VSTM4: variants seen among roughly 807,000 people sequenced by gnomAD.
VSTM4 encodes the protein V-set and transmembrane domain containing 4.
VSTM4 carries 20 observed loss-of-function variants against 36.4 expected under a neutral mutation model. That is an observed-to-expected ratio of 0.55 (90% CI 0.39 to 0.80). The LOEUF is 0.80. Among genes scored for constraint, VSTM4 ranks in the 30% least tolerant of loss-of-function variants. VSTM4 has a pLI of 0.00. For synonymous variants in VSTM4, 182 were observed against 173.9 expected, an observed-to-expected ratio of 1.05 and a Z score of -0.37; for missense variants, 392 against 404.5, an observed-to-expected ratio of 0.97 and a Z score of 0.26.
Position 49,107,835 on chromosome 10 carries a change from C to T in VSTM4, c.216G>A (p.Glu72=), listed in dbSNP as rs1211796889. 3.7e-6 allele frequency: 6 copies of T among 1,614,250 alleles called. No individual in the cohort carries two copies. Among genetic ancestry groups the T allele is most frequent in the African/African-American group, 1.3e-5 (1 of 75,062 alleles). The change falls in exon 2 of 8, where the codon GAG becomes GAA. Residue 72 remains glutamate (E), a synonymous_variant. Coordinates refer to ENST00000332853, the MANE Select transcript of VSTM4 (RefSeq NM_001031746.5). ...GCTTGGTCATCTTCACCATCAAGGC[C>T]TCCTGGGAGTCGAAGGAGTGTGCAA... ...WFFAHSFDSQ[E]ALMVKMTKLR...
At chr10:49,064,842 G>T in intron 4 of VSTM4, 106 bp from the exon 5 acceptor site, 2 of 1,181,054 alleles carry the variant, frequency 1.7e-6, no homozygotes, top group Non-Finnish European at 2.5e-6. Flanking sequence ...TTCAGGTATT[G>T]GTGCTATACC....
intron 2 of VSTM4, among the ~76,000 whole-genome samples, chr10:49,098,946 T>A (rs534114977): frequency 6.6e-6 from 1 of 152,368 alleles, no homozygotes; most frequent in African/African-American, 2.4e-5. Flanking sequence ...ATGGACATCA[T>A]CAATACTATT....
chr10:49,113,831 G>C (rs1434639081), intron 1 of VSTM4, among the ~76,000 whole-genome samples: 2 of 152,138 alleles, frequency 1.3e-5, no homozygotes, highest in African/African-American at 4.8e-5. Context: ...AGAAAAGTGG[G>C]TGGCACACAG....
chr10:49,045,062 C>G (rs2131956579), intron 7 of VSTM4, among the ~76,000 whole-genome samples: 1 of 152,310 alleles, frequency 6.6e-6, no homozygotes, highest in East Asian at 1.9e-4. Context: ...CTTGTCTGCC[C>G]TTGTATTAAT....
At chr10:49,104,734 G>A (rs1416877669) in intron 2 of VSTM4, among the ~76,000 whole-genome samples, 1 of 152,182 alleles carries the variant, frequency 6.6e-6, no homozygotes, top group African/African-American at 2.4e-5. Flanking sequence ...GAGGTCAGAG[G>A]GGAGTGGGCG....
chr10:49,099,406 T>A (rs2132016700), intron 2 of VSTM4, among the ~76,000 whole-genome samples: 1 of 152,362 alleles, frequency 6.6e-6, no homozygotes, highest in Non-Finnish European at 1.5e-5. Context: ...CGCTCTGGAA[T>A]CATTTTTATC....
At chr10:49,062,628 T>C (rs1185492503) in intron 5 of VSTM4, among the ~76,000 whole-genome samples, 1 of 152,238 alleles carries the variant, frequency 6.6e-6, no homozygotes. Context: ...CTTAAACCTA[T>C]AGGGCTTTGT....
chr10:49,036,145 C>A (rs1379480620), intron 7 of VSTM4, among the ~76,000 whole-genome samples: 2 of 152,176 alleles, frequency 1.3e-5, no homozygotes, highest in Non-Finnish European at 2.9e-5. Flanking sequence ...GCCGAGATAC[C>A]TGCTCTCTCT....
intron 5 of VSTM4, among the ~76,000 whole-genome samples, chr10:49,056,907 C>T (rs188885769): frequency 2.8e-4 from 42 of 152,202 alleles, no homozygotes; most frequent in African/African-American, 9.1e-4. Flanking sequence ...ACAGGAAGCA[C>T]GGTGCTGGCA....
chr10:49,035,430 C>T (rs1467073884), intron 7 of VSTM4, among the ~76,000 whole-genome samples: 1 of 152,072 alleles, frequency 6.6e-6, no homozygotes, highest in African/African-American at 2.4e-5. Flanking sequence ...GCCACATTAC[C>T]CTTCTAGAAC....
chr10:49,046,554 A>AT (rs1342109131), intron 7 of VSTM4, among the ~76,000 whole-genome samples: 54 of 152,368 alleles, frequency 3.5e-4, no homozygotes, highest in African/African-American at 1.3e-3. Context: ...GAGAAGGTGG[A>AT]TGAAGGTACA....
At chr10:49,038,043 A>G in intron 7 of VSTM4, among the ~76,000 whole-genome samples, 2 of 152,322 alleles carry the variant, frequency 1.3e-5, no homozygotes, top group South Asian at 2.1e-4. Flanking sequence ...TTTGGAAAAC[A>G]GTGTAGCAGT....
chr10:49,065,675 A>G (rs1843960742), intron 4 of VSTM4, among the ~76,000 whole-genome samples: 1 of 152,210 alleles, frequency 6.6e-6, no homozygotes, highest in South Asian at 2.1e-4. Context: ...TAATGCATCA[A>G]GAGACTGCAG....
At chr10:49,095,460 C>A (rs1844553155) in intron 2 of VSTM4, among the ~76,000 whole-genome samples, 1 of 152,196 alleles carries the variant, frequency 6.6e-6, no homozygotes, top group Non-Finnish European at 1.5e-5. Context: ...CTGGGTCCAT[C>A]TTTCCAACCA....
chr10:49,079,941 C>T (rs1009490495), intron 3 of VSTM4, among the ~76,000 whole-genome samples: 2 of 152,014 alleles, frequency 1.3e-5, no homozygotes, highest in East Asian at 1.9e-4. Context: ...CAATTTCTCT[C>T]ATTTTCTCAA....
At chr10:49,112,636 G>A (rs1844916664) in intron 1 of VSTM4, among the ~76,000 whole-genome samples, 1 of 152,200 alleles carries the variant, frequency 6.6e-6, no homozygotes, top group East Asian at 1.9e-4. Context: ...TGGGCTTCGT[G>A]GGCCCACGAC....
chr10:49,079,632 T>G (rs1461739603), intron 3 of VSTM4, among the ~76,000 whole-genome samples: 6 of 152,150 alleles, frequency 3.9e-5, no homozygotes, highest in African/African-American at 1.4e-4. Flanking sequence ...ACACAAAGGC[T>G]TTCTCTTCAA....
At position 49,019,749 on chromosome 10, in the gene VSTM4, G is replaced by T. The variant is rs750777035; in HGVS notation, c.864C>A (p.Thr288=). The stretch of plus-strand genomic sequence containing the variant: ...GTTTGATCAGCTCCAGTTCGGCATA[G>T]GTTAAGTTTTCCTCAGCAATCTTTG... The part of the protein sequence containing the change: ...TLPKIAEENL[T]YAELELIKPH... The change falls in exon 8 of 8, where the codon ACC becomes ACA. Residue 288 remains threonine, a synonymous_variant. Transcript: ENST00000332853. 1.9e-6 allele frequency: 3 copies of T among 1,612,974 alleles called. No homozygotes were observed. Among genetic ancestry groups the T allele is most frequent in the Non-Finnish European group, 1.7e-6 (2 of 1,179,632 alleles).
Position 49,094,619 on chromosome 10 carries a change from A to T in VSTM4, c.458-8596T>A, listed in dbSNP as rs559591097. On this transcript the variant is annotated intron_variant, in intron 2 of 7. Coordinates refer to ENST00000332853, the MANE Select transcript of VSTM4 (RefSeq NM_001031746.5). ...TATGCAGAAGAAAAGATCCTTAAGT[A>T]AAACAAAGATGAGCCAACACCTTTG... Among the ~76,000 whole-genome samples the T allele has an allele frequency of 2.6e-5, 4 of 152,356 alleles. No individual in the cohort carries two copies. The East Asian group carries it at 7.7e-4, about 29-fold the overall frequency.
Sources: allele counts gnomAD v4.1 joint callset (sites outside exome capture counted in the v4.1 genomes callset), GRCh38; gene constraint gnomAD v4.1.1; transcripts MANE v1.5; gene names NCBI Gene and HGNC (gene_info 2026-07-23, HGNC 2026-07-21).